TTN: variants seen among roughly 807,000 people sequenced by gnomAD.
The protein encoded by TTN is titin.
In TTN, 1,525 loss-of-function variants were observed where a neutral mutation model predicts 3,223.0. That is an observed-to-expected ratio of 0.47 (90% CI 0.45 to 0.49). The LOEUF (loss-of-function observed/expected upper bound fraction) is 0.49. TTN is among the 20% of genes least tolerant of loss of function. The pLI is 0.00. For synonymous variants in TTN, 14,094 were observed against 15,161.0 expected (o/e 0.93, Z 5.17); for missense variants, 40,786 against 43,424.0 (o/e 0.94, Z 5.40).
In TTN at chr2:178,757,716, G is replaced by A. The variant is rs1411783753; in HGVS notation, c.10504C>T (p.Gln3502Ter). ...PKPEIQWFHN[Q>*]QLILPTKDVV... is the part of the protein sequence containing the mutation. ...TCTTTTGTTGGTAGAATTAGCTGCT[G>A]GTTATGAAACCATTGGATTTCTGGC... Residue 3502 changes from glutamine (Q) to a stop codon, truncating the protein, a stop_gained, in exon 45 of 363, where the codon CAG (glutamine) becomes TAG (stop). Coordinates refer to ENST00000589042, the MANE Select transcript of TTN (RefSeq NM_001267550.2). LOFTEE classifies it high-confidence loss of function. 2 of 1,613,688 alleles carry A rather than the reference G, an allele frequency of 1.2e-6. No individual in the cohort carries two copies. The highest frequency in any genetic ancestry group is 1.3e-5 in the African/African-American group (1 of 74,920).
In TTN at chr2:178,548,800, A is replaced by T. The variant is rs1575477437; in HGVS notation, c.92826T>A (p.Ser30942Arg). The T allele has an allele frequency of 6.2e-7, 1 of 1,612,802 alleles. No homozygotes were observed. The highest frequency in any genetic ancestry group is 2.2e-5 in the East Asian group (1 of 44,860). The change falls in exon 339 of 363, where the codon AGT becomes AGA. Residue 30942 changes from serine (S) to arginine (R), a missense_variant. Transcript: ENST00000589042. The surrounding 1 kb of genome is among the most constrained non-coding windows in gnomAD (Gnocchi z 4.3). ...CTTGGTAGGCAATGAAGAGGCGAAT[A>T]CTGGCCCCAGCTCTAACAACATGAG... ...KQTHVVRAGA[S>R]IRLFIAYQGR...
At position 178,568,142 on chromosome 2, in the gene TTN, G is replaced by T. The variant is rs560308739; in HGVS notation, c.77990C>A (p.Pro25997Gln). The change falls in exon 326 of 363, where the codon CCA becomes CAA. Residue 25997 changes from proline (P) to glutamine (Q), a missense_variant. By Grantham distance (76) the Pro-to-Gln change is moderately conservative. Transcript: ENST00000589042. ...GTCTTTGGAAATGGCTGTGGCAAAT[G>T]GTGTACCTGGAGGGCCTGGTTCTTT... is the stretch of plus-strand genomic sequence containing the variant. ...PYKEPGPPGT[P>Q]FATAISKDSM... is the part of the protein sequence containing the mutation. 1 of 1,613,484 alleles carries T rather than the reference G, an allele frequency of 6.2e-7. No individual in the cohort carries two copies. The highest frequency in any genetic ancestry group is 1.3e-5 in the African/African-American group (1 of 74,994).
chr2:178,562,394 C>T lies in TTN; in HGVS notation c.83738G>A (p.Cys27913Tyr), dbSNP rs1296750287. Residue 27913 changes from cysteine (C) to tyrosine (Y), a missense_variant, in exon 326 of 363, where the codon TGC (cysteine) becomes TAC (tyrosine). Cys to Tyr is a radical substitution (Grantham distance 194). Transcript: ENST00000589042. ...TGCTTCTAGAGTCTTAACTTGTGTG[C>T]AGGTGCTCCACTTTTCACTCCCTTT... ...QTKGSEKWSTCTQVKTLEATI... is the reference protein window; with the variant it reads ...QTKGSEKWSTYTQVKTLEATI... The T allele has an allele frequency of 6.2e-7, 1 of 1,611,360 alleles. No homozygotes were observed. Among genetic ancestry groups the T allele is most frequent in the Non-Finnish European group, 8.5e-7 (1 of 1,178,962 alleles).
chr2:178,780,353 T>G (rs769543923), intron 21 of TTN, 148 bp from the exon 22 acceptor site: 1 of 692,990 alleles, frequency 1.4e-6, no homozygotes. Flanking sequence ...CTCAATATTT[T>G]CTAGATGGAA....
At chr2:178,697,025 T>C in intron 113 of TTN, 96 bp downstream of exon 113, 1 of 1,135,758 alleles carries the variant, frequency 8.8e-7, no homozygotes. Flanking sequence ...TCCACAACTT[T>C]CAATAAGTTG....
intron 52 of TTN, 139 bp downstream of exon 52, chr2:178,734,189 T>C: frequency 9.5e-7 from 1 of 1,056,412 alleles, no homozygotes; most frequent in Non-Finnish European, 1.3e-6. Context: ...CTGACTTTGT[T>C]CCCAAGGTCC....
chr2:178,712,301 C>T lies in TTN; in HGVS notation c.27607+14G>A. Reference sequence around the variant, plus strand: ...GATTGTATACAAAGATAAAAATGTGCAATCATGACAAACCTAGTATGAGTA... The same window carrying T: ...GATTGTATACAAAGATAAAAATGTGTAATCATGACAAACCTAGTATGAGTA... On this transcript the variant is annotated intron_variant, in intron 95 of 362. Transcript: ENST00000589042. 1 of 1,609,798 alleles carries T rather than the reference C, an allele frequency of 6.2e-7. No individual in the cohort carries two copies. Among genetic ancestry groups the T allele is most frequent in the Admixed American group, 1.7e-5 (1 of 59,806 alleles).
chr2:178,700,977 A>G, intron 111 of TTN, 143 bp downstream of exon 111: 1 of 556,222 alleles, frequency 1.8e-6, no homozygotes, highest in Non-Finnish European at 3.1e-6. Flanking sequence ...TAGTTAGCTA[A>G]TACTTTGAGA....
At chr2:178,683,968 ATT>A (rs372078760) in intron 133 of TTN, 29 bp downstream of exon 133, 18,504 of 1,222,508 alleles carry the variant, frequency 0.015, no homozygotes, top group South Asian at 0.017. Flanking sequence ...GCTTATTTTG[ATT>A]TTTTTTTTTT....
At position 178,571,551 on chromosome 2, in the gene TTN, C is replaced by G. The variant is rs879142245; in HGVS notation, c.74581G>C (p.Ala24861Pro). ...TSTTTWQIVS[A>P]TVARTTIKAC... ...TTTATTGTTGTCCTTGCAACTGTAG[C>G]TGATACAATTTGCCAGGTGGTTGTG... Residue 24861 changes from alanine to proline, a missense_variant, in exon 326 of 363, where the codon GCT becomes CCT. Coordinates refer to ENST00000589042, the MANE Select transcript of TTN (RefSeq NM_001267550.2). 12 of 1,613,140 alleles carry G rather than the reference C, an allele frequency of 7.4e-6. No individual in the cohort carries two copies. The highest frequency in any genetic ancestry group is 1.3e-5 in the African/African-American group (1 of 74,888).
chr2:178,711,431 T>C, intron 96 of TTN, 82 bp from the exon 97 acceptor site: 1 of 1,330,214 alleles, frequency 7.5e-7, no homozygotes, highest in Non-Finnish European at 1.0e-6. Flanking sequence ...AACGCACGTA[T>C]ATATGCAATT....
In TTN at chr2:178,552,602, C is replaced by G. The variant is rs762287310; in HGVS notation, c.90298G>C (p.Glu30100Gln). Residue 30100 changes from glutamate (E) to glutamine (Q), a missense_variant, in exon 335 of 363, where the codon GAG becomes CAG. Transcript: ENST00000589042. ...TCATTTTTGGCAAACACTCTGAACT[C>G]CAGGACTGACTGCTCCTTAAGTTGG... ...VSQLKEQSVL[E>Q]FRVFAKNEKG... The G allele has an allele frequency of 1.2e-6, 2 of 1,613,870 alleles. No individual in the cohort carries two copies. Among genetic ancestry groups the G allele is most frequent in the Non-Finnish European group, 1.7e-6 (2 of 1,179,828 alleles).
At chr2:178,689,781 AAGAT>A (rs767115569) in intron 122 of TTN, 28 bp downstream of exon 122, 2 of 1,568,314 alleles carry the variant, frequency 1.3e-6, no homozygotes, top group Non-Finnish European at 1.7e-6. Flanking sequence ...TCAAAGATAA[AAGAT>A]AGGGCTTTAC....
chr2:178,780,841 G>A (rs1324564695), intron 21 of TTN, among the ~76,000 whole-genome samples: 1 of 152,186 alleles, frequency 6.6e-6, no homozygotes, highest in African/African-American at 2.4e-5. Context: ...CCTGGGCCTG[G>A]AAGGCAACCG....
intron 145 of TTN, 68 bp from the exon 146 acceptor site, chr2:178,677,985 C>A: frequency 6.4e-7 from 1 of 1,564,744 alleles, no homozygotes. Flanking sequence ...AATGAAGAAG[C>A]TTATGAAAGG....
intron 278 of TTN, among the ~76,000 whole-genome samples, chr2:178,605,951 G>T (rs1285001641): frequency 6.6e-6 from 1 of 151,900 alleles, no homozygotes; most frequent in Non-Finnish European, 1.5e-5. Flanking sequence ...TCAAGGGCAC[G>T]TATGCTTTTT....
chr2:178,666,515 A>G (rs934585429), intron 163 of TTN, among the ~76,000 whole-genome samples: 9 of 152,158 alleles, frequency 5.9e-5, no homozygotes, highest in Non-Finnish European at 1.0e-4. Context: ...CTTCACACTG[A>G]ATTAATATTT....
In TTN at chr2:178,635,413, A is replaced by G. The variant is rs146747656; in HGVS notation, c.41884+27T>C. On this transcript the variant is annotated intron_variant, in intron 227 of 362. Coordinates refer to ENST00000589042, the MANE Select transcript of TTN (RefSeq NM_001267550.2). Reference sequence around the variant, plus strand: ...GCTTTACACATACGCAAAACTTATAATTTGAATAAAAGGTAAGATTTTATA... The same window carrying G: ...GCTTTACACATACGCAAAACTTATAGTTTGAATAAAAGGTAAGATTTTATA... 3.0e-4 allele frequency: 481 copies of G among 1,602,164 alleles called. No homozygotes were observed. In the African/African-American group the frequency reaches 5.8e-3, roughly 19 times the overall value.
In TTN at chr2:178,598,892, T is replaced by C; in HGVS notation, c.56818A>G (p.Lys18940Glu). 6.2e-7 allele frequency: 1 copy of C among 1,613,248 alleles called. No individual in the cohort carries two copies. Among genetic ancestry groups the C allele is most frequent in the Non-Finnish European group, 8.5e-7 (1 of 1,179,522 alleles). ...RWKRVNRDPI[K>E]AMTLGVSYKV... is the part of the protein sequence containing the mutation. ...TAAGAAACACCCAAAGTCATGGCTT[T>C]GATAGGATCTCGGTTAACTCTCTTC... The change falls in exon 291 of 363, where the codon AAA (lysine) becomes GAA (glutamate). Residue 18940 changes from lysine (K) to glutamate (E), a missense_variant. Physicochemically the swap from Lys to Glu is moderately conservative, Grantham distance 56. Coordinates refer to ENST00000589042, the MANE Select transcript of TTN (RefSeq NM_001267550.2).
Sources: allele counts gnomAD v4.1 joint callset (sites outside exome capture counted in the v4.1 genomes callset), GRCh38; gene constraint gnomAD v4.1.1; non-coding constraint Gnocchi (gnomAD v3.1); transcripts MANE v1.5; gene names NCBI Gene and HGNC (gene_info 2026-07-23, HGNC 2026-07-21).